The following H2BC5 variants were observed in gnomAD, a reference collection of about 807,000 sequenced individuals.
H2BC5 encodes the protein H2B clustered histone 5.
Under a neutral mutation model 5.7 loss-of-function variants are expected in H2BC5, and 9 were observed. The ratio of observed to expected loss-of-function variants is 1.57; its 90% CI spans 0.95 to 2.74. The LOEUF (loss-of-function observed/expected upper bound fraction) is 2.74. Among genes scored for constraint, H2BC5 ranks in the 30% most tolerant of loss-of-function variants. H2BC5 has a pLI of 0.00. For missense variants in H2BC5, 175 were observed against 168.8 expected, an observed-to-expected ratio of 1.04 and a Z score of -0.20; for synonymous variants, 133 against 70.9, an observed-to-expected ratio of 1.88 and a Z score of -4.40.
At chr6:26,164,132 C>T (rs1268647438) in intron 1 of H2BC5, 1 of 448,486 alleles carries the variant, frequency 2.2e-6, no homozygotes, top group Admixed American at 2.5e-5. Flanking sequence ...AGTAGATCCC[C>T]CCGTGGGTGA....
At chr6:26,160,123 G>C (rs1054919418), downstream of H2BC5, among the ~76,000 whole-genome samples, 30 of 152,146 alleles carry the variant, frequency 2.0e-4, no homozygotes, top group African/African-American at 7.2e-4. Context: ...AGATTCTACT[G>C]CTAAGGCTTG....
At chr6:26,170,480 G>A (rs1394629004) in intron 1 of H2BC5, among the ~76,000 whole-genome samples, 1 of 152,208 alleles carries the variant, frequency 6.6e-6, no homozygotes, top group African/African-American at 2.4e-5. Flanking sequence ...AACTGAATGA[G>A]TGACTCGGAT....
downstream of H2BC5, among the ~76,000 whole-genome samples, chr6:26,159,243 G>GTTTTTTTTTTTTTTTTTTT: frequency 1.6e-5 from 1 of 61,402 alleles, no homozygotes; most frequent in Non-Finnish European, 3.1e-5. Context: ...TAATTTATAG[G>GTTTTTTTTTTTTTTTTTTT]TTTTTTTTTT....
downstream of H2BC5, chr6:26,158,667 C>A: frequency 7.0e-7 from 1 of 1,432,798 alleles, no homozygotes; most frequent in Non-Finnish European, 9.4e-7. Flanking sequence ...GGACTTAGCA[C>A]CACAGTACCA....
chr6:26,158,641 C>T (rs1764284616), downstream of H2BC5: 4 of 1,545,362 alleles, frequency 2.6e-6, no homozygotes, highest in South Asian at 2.5e-5. Flanking sequence ...TCATTTCATT[C>T]AAAAGGGGGG....
At chr6:26,164,038 T>C in intron 1 of H2BC5, 1 of 447,934 alleles carries the variant, frequency 2.2e-6, no homozygotes, top group South Asian at 1.8e-5. Context: ...AAGAACTTAT[T>C]GAAATATTCC....
chr6:26,158,764 G>C, downstream of H2BC5: 1 of 751,660 alleles, frequency 1.3e-6, no homozygotes, highest in South Asian at 2.0e-5. Flanking sequence ...AGTGCTATGG[G>C]TACGTATTAG....
At position 26,158,317 on chromosome 6, in the gene H2BC5, C is replaced by T. The variant is rs2113831016; in HGVS notation, c.148C>T (p.His50Tyr). 6.2e-7 allele frequency: 1 copy of T among 1,614,272 alleles called. No individual in the cohort carries two copies. Among genetic ancestry groups the T allele is most frequent in the Admixed American group, 1.7e-5 (1 of 60,032 alleles). The change falls in exon 1 of 1, where the codon CAT becomes TAT. Residue 50 changes from histidine (H) to tyrosine (Y), a missense_variant. His to Tyr is a moderately conservative substitution (Grantham distance 83). Transcript: ENST00000377777. ...VYVYKVLKQVHPDTGISSKAM... is the reference protein window; with the variant it reads ...VYVYKVLKQVYPDTGISSKAM... The stretch of plus-strand genomic sequence containing the variant: ...TGTGTACAAGGTGCTGAAGCAGGTC[C>T]ATCCCGACACCGGCATCTCTTCCAA...
At chr6:26,170,077 T>C (rs963005909) in intron 1 of H2BC5, among the ~76,000 whole-genome samples, 1 of 152,144 alleles carries the variant, frequency 6.6e-6, no homozygotes, top group African/African-American at 2.4e-5. Context: ...TGTCAAATAA[T>C]AACTGAGATA....
chr6:26,158,659 A>G (rs1561968190), downstream of H2BC5: 3 of 1,475,674 alleles, frequency 2.0e-6, no homozygotes, highest in Admixed American at 4.5e-5. Flanking sequence ...GGGTTATTGG[A>G]CTTAGCACCA....
downstream of H2BC5, chr6:26,158,646 G>T: frequency 2.0e-6 from 3 of 1,537,304 alleles, no homozygotes; most frequent in Non-Finnish European, 2.6e-6. Flanking sequence ...TCATTCAAAA[G>T]GGGGGTTATT....
At chr6:26,160,518 A>G (rs79852306), downstream of H2BC5, among the ~76,000 whole-genome samples, 1 of 149,790 alleles carries the variant, frequency 6.7e-6, no homozygotes, top group Non-Finnish European at 1.5e-5. Flanking sequence ...GTCTCTGAAA[A>G]AAAAAAAAAA....
chr6:26,161,448 A>C (rs2113834243), downstream of H2BC5, among the ~76,000 whole-genome samples: 1 of 152,322 alleles, frequency 6.6e-6, no homozygotes, highest in Non-Finnish European at 1.5e-5. Context: ...TGAAATGCAG[A>C]GATAAAAATG....
Position 26,158,222 on chromosome 6 carries a change from C to T in H2BC5, c.53C>T (p.Ala18Val), listed in dbSNP as rs866232051. Residue 18 changes from alanine to valine, a missense_variant, in exon 1 of 1, where the codon GCG becomes GTG. By Grantham distance (64) the Ala-to-Val change is moderately conservative (BLOSUM62 0). Coordinates refer to ENST00000377777, the MANE Select transcript of H2BC5 (RefSeq NM_021063.4). ...APAPKKGSKK[A>V]VTKAQKKDGK... ...GCCCCAAAGAAGGGCTCCAAGAAGG[C>T]GGTGACTAAGGCTCAGAAGAAGGAC... is the stretch of plus-strand genomic sequence containing the variant. The T allele has an allele frequency of 1.9e-6, 3 of 1,614,198 alleles. No individual in the cohort carries two copies. Among genetic ancestry groups the T allele is most frequent in the African/African-American group, 1.3e-5 (1 of 75,054 alleles).
intron 1 of H2BC5, among the ~76,000 whole-genome samples, chr6:26,167,049 C>CTTTTTTTTTTTTTTTTTTTTTTTTTTTTT (rs149341201): frequency 8.3e-4 from 81 of 97,022 alleles, no homozygotes; most frequent in Non-Finnish European, 9.8e-4. Context: ...TTTGTTTTCT[C>CTTTTTTTTTTTTTTTTTTTTTTTTTTTTT]TTTTTTTTTT....
At chr6:26,159,254 T>G (rs565919657), downstream of H2BC5, among the ~76,000 whole-genome samples, 724 of 139,586 alleles carry the variant, frequency 5.2e-3, 15 homozygotes, top group African/African-American at 0.018. Flanking sequence ...TTTTTTTTTT[T>G]TTTTTTTTTT....
At chr6:26,160,121 C>T (rs2113833408), downstream of H2BC5, among the ~76,000 whole-genome samples, 1 of 151,942 alleles carries the variant, frequency 6.6e-6, no homozygotes, top group South Asian at 2.1e-4. Flanking sequence ...GTAGATTCTA[C>T]TGCTAAGGCT....
intron 1 of H2BC5, among the ~76,000 whole-genome samples, chr6:26,165,395 A>G (rs562648974): frequency 2.0e-5 from 3 of 152,062 alleles, no homozygotes; most frequent in South Asian, 4.2e-4. Flanking sequence ...TATCCTTGCT[A>G]TTGCATCGTT....
chr6:26,158,282 A>G lies in H2BC5; in HGVS notation c.113A>G (p.Tyr38Cys), dbSNP rs767721521. The change falls in exon 1 of 1, where the codon TAT becomes TGT. Residue 38 changes from tyrosine (Y) to cysteine (C), a missense_variant. Physicochemically the swap from Tyr to Cys is radical, Grantham distance 194. This residue lies in a region of H2BC5 where 119 missense variants were observed against 85.6 expected (regional missense o/e 1.39). Transcript: ENST00000377777. Reference sequence around the variant, plus strand: ...CGCAAGCGCAGCCGCAAGGAGAGCTATTCAGTGTATGTGTACAAGGTGCTG... The same window carrying G: ...CGCAAGCGCAGCCGCAAGGAGAGCTGTTCAGTGTATGTGTACAAGGTGCTG... ...KKRKRSRKES[Y>C]SVYVYKVLKQ... The G allele has an allele frequency of 3.1e-6, 5 of 1,614,260 alleles. No homozygotes were observed. Among genetic ancestry groups the G allele is most frequent in the Admixed American group, 1.7e-5 (1 of 60,028 alleles).
Sources: allele counts gnomAD v4.1 joint callset (sites outside exome capture counted in the v4.1 genomes callset), GRCh38; gene constraint gnomAD v4.1.1; regional missense constraint gnomAD v4.1.1; transcripts MANE v1.5; gene names NCBI Gene and HGNC (gene_info 2026-07-23, HGNC 2026-07-21).